The following DNAJC6 variants were observed in gnomAD, a reference collection of about 807,000 sequenced individuals.
DNAJC6 encodes auxilin.
A neutral mutation model predicts 110.0 loss-of-function variants in DNAJC6; 34 were observed. The ratio of observed to expected loss-of-function variants is 0.31; its 90% CI spans 0.24 to 0.41. The LOEUF is 0.41. Ranked by LOEUF, DNAJC6 falls within the 10% of genes least tolerant of loss-of-function variation. The pLI is 1.00. For synonymous variants in DNAJC6, 406 were observed against 437.2 expected, an observed-to-expected ratio of 0.93 and a Z score of 0.89; for missense variants, 1,031 against 1,207.8, an observed-to-expected ratio of 0.85 and a Z score of 2.17.
At chr1:65,283,350 TTTATAA>T (rs1451115858) in intron 1 of DNAJC6, among the ~76,000 whole-genome samples, 8 of 152,180 alleles carry the variant, frequency 5.3e-5, no homozygotes, top group Admixed American at 5.2e-4. Flanking sequence ...GTTCTCCATC[TTTATAA>T]TTATGTTATT....
intron 1 of DNAJC6, among the ~76,000 whole-genome samples, chr1:65,292,900 T>A (rs539491009): frequency 6.6e-6 from 1 of 152,136 alleles, no homozygotes; most frequent in South Asian, 2.1e-4. Context: ...GCTGTTGTCA[T>A]TGGGGCTCAC....
intron 4 of DNAJC6, among the ~76,000 whole-genome samples, chr1:65,374,926 T>C (rs1459563528): frequency 2.0e-5 from 3 of 152,082 alleles, no homozygotes; most frequent in Non-Finnish European, 4.4e-5. Flanking sequence ...TTGTCATAGA[T>C]GGCCATTATT....
Position 65,281,046 on chromosome 1 carries a change from G to C in DNAJC6, c.-131+16114G>C, listed in dbSNP as rs549917450. On this transcript the variant is annotated intron_variant, in intron 1 of 19. Coordinates refer to the DNAJC6 transcript ENST00000263441. ...TGCCTCCTGGGTTCAAGCAGTTCTT[G>C]TGCCTCAGCCTTCTGGGTAGGTGGG... is the stretch of plus-strand genomic sequence containing the variant. 2.0e-5 allele frequency among the ~76,000 whole-genome samples: 3 copies of C among 152,058 alleles called. No individual in the cohort carries two copies. The South Asian group carries it at 6.2e-4, about 32-fold the overall frequency.
intron 1 of DNAJC6, among the ~76,000 whole-genome samples, chr1:65,329,581 T>C (rs1645269312): frequency 6.6e-6 from 1 of 152,142 alleles, no homozygotes; most frequent in Non-Finnish European, 1.5e-5. Context: ...TTATTATTCC[T>C]GAATAAGTTG....
At chr1:65,296,957 T>C (rs2985902) in intron 1 of DNAJC6, among the ~76,000 whole-genome samples, 107,143 of 152,108 alleles carry the variant, frequency 0.7, 39,322 homozygotes, top group African/African-American at 0.92. Context: ...ATGGTTCTGC[T>C]ATCATGGAGC....
chr1:65,288,336 A>C (rs1254991794), intron 1 of DNAJC6, among the ~76,000 whole-genome samples: 1 of 152,228 alleles, frequency 6.6e-6, no homozygotes, highest in Non-Finnish European at 1.5e-5. Flanking sequence ...GTTTGAAAGA[A>C]AAGCAATACA....
At chr1:65,278,768 C>T (rs888442063) in intron 1 of DNAJC6, among the ~76,000 whole-genome samples, 2 of 152,134 alleles carry the variant, frequency 1.3e-5, no homozygotes. Context: ...GAAAAATTAC[C>T]TGGGGACTGG....
At chr1:65,327,357 G>T (rs4916044) in intron 1 of DNAJC6, among the ~76,000 whole-genome samples, 102,139 of 152,020 alleles carry the variant, frequency 0.67, 34,441 homozygotes, top group East Asian at 0.83. Context: ...CTTCCCCAAG[G>T]TCATAGAGAA....
chr1:65,334,420 G>A (rs1390634238), intron 1 of DNAJC6, among the ~76,000 whole-genome samples: 1 of 152,234 alleles, frequency 6.6e-6, no homozygotes, highest in African/African-American at 2.4e-5. Flanking sequence ...GAAAGTGAGA[G>A]CACGGGCTGT....
chr1:65,352,114 A>G, intron 1 of DNAJC6, among the ~76,000 whole-genome samples: 1 of 152,318 alleles, frequency 6.6e-6, no homozygotes, highest in East Asian at 1.9e-4. Context: ...TCATGTGTCA[A>G]TAAAGCTATT....
chr1:65,376,008 C>T (rs1266497487), intron 4 of DNAJC6, among the ~76,000 whole-genome samples: 2 of 152,218 alleles, frequency 1.3e-5, no homozygotes, highest in East Asian at 1.9e-4. Flanking sequence ...GCAGTGAATC[C>T]GTCAGGACCT....
At chr1:65,326,427 A>G (rs1396748822) in intron 1 of DNAJC6, among the ~76,000 whole-genome samples, 1 of 152,230 alleles carries the variant, frequency 6.6e-6, no homozygotes, top group African/African-American at 2.4e-5. Context: ...AACATTCCAG[A>G]TAAAGTTGGA....
chr1:65,348,979 A>T (rs1246040746), intron 1 of DNAJC6, among the ~76,000 whole-genome samples: 2 of 145,542 alleles, frequency 1.4e-5, no homozygotes, highest in African/African-American at 2.5e-5. Context: ...TATATATGTA[A>T]ATATATAAAT....
chr1:65,389,657 G>T (rs759463088), intron 11 of DNAJC6, 30 bp downstream of exon 11: 1 of 1,605,168 alleles, frequency 6.2e-7, no homozygotes, highest in Non-Finnish European at 8.5e-7. Flanking sequence ...TAAGTCACAT[G>T]GTTTGATGAT....
At chr1:65,294,852 A>G (rs140115698) in intron 1 of DNAJC6, among the ~76,000 whole-genome samples, 435 of 152,334 alleles carry the variant, frequency 2.9e-3, no homozygotes, top group Non-Finnish European at 4.4e-3. Flanking sequence ...TCTCTGTACA[A>G]TATAGAGTAC....
chr1:65,299,587 A>T (rs142136537), intron 1 of DNAJC6, among the ~76,000 whole-genome samples: 18 of 152,328 alleles, frequency 1.2e-4, no homozygotes, highest in African/African-American at 4.3e-4. Flanking sequence ...AACCCTCACT[A>T]TATGCCAGGC....
chr1:65,314,726 G>A (rs548141283), intron 1 of DNAJC6, among the ~76,000 whole-genome samples: 1 of 152,326 alleles, frequency 6.6e-6, no homozygotes, highest in Non-Finnish European at 1.5e-5. Context: ...GACCTCAGGT[G>A]ATCCGCCTGC....
intron 4 of DNAJC6, among the ~76,000 whole-genome samples, chr1:65,368,980 G>C (rs1215064303): frequency 6.6e-6 from 1 of 151,982 alleles, no homozygotes; most frequent in Non-Finnish European, 1.5e-5. Context: ...ATCTTGGCCA[G>C]GCTGGTCTTG....
intron 1 of DNAJC6, among the ~76,000 whole-genome samples, 199 bp downstream of exon 1, chr1:65,310,137 T>G (rs1424262071): frequency 6.7e-6 from 1 of 149,470 alleles, no homozygotes; most frequent in Non-Finnish European, 1.5e-5. Flanking sequence ...GTTAGATCAG[T>G]CCTGAGGCCC....
Sources: allele counts gnomAD v4.1 joint callset (sites outside exome capture counted in the v4.1 genomes callset), GRCh38; gene constraint gnomAD v4.1.1; transcripts MANE v1.5; gene names NCBI Gene and HGNC (gene_info 2026-07-23, HGNC 2026-07-21).